The following SLC35F1 variants were observed in gnomAD, a reference collection of about 807,000 sequenced individuals.
SLC35F1 encodes the protein chromosome 6 open reading frame 169.
In SLC35F1, 14 loss-of-function variants were observed where a neutral mutation model predicts 48.7. That is an observed-to-expected ratio of 0.29 (90% CI 0.19 to 0.45). The LOEUF is 0.45. SLC35F1 is among the 20% of genes least tolerant of loss of function. The probability of loss-of-function intolerance (pLI) is 1.00; values close to 1 mark genes in which losing one functional copy is unlikely to be tolerated. For missense variants in SLC35F1, 404 were observed against 500.0 expected (o/e 0.81, Z 1.83); for synonymous variants, 190 against 202.2 (o/e 0.94, Z 0.51).
chr6:118,119,978 C>G (rs931358387), intron 1 of SLC35F1, among the ~76,000 whole-genome samples: 1 of 152,144 alleles, frequency 6.6e-6, no homozygotes, highest in African/African-American at 2.4e-5. Flanking sequence ...CCCTTAGACT[C>G]AGGCTGGGTC....
intron 1 of SLC35F1, among the ~76,000 whole-genome samples, chr6:117,912,004 T>C (rs1775770055): frequency 6.6e-6 from 1 of 152,240 alleles, no homozygotes; most frequent in African/African-American, 2.4e-5. Flanking sequence ...TGCATATGTG[T>C]GCTTTTATCT....
At chr6:118,288,989 A>G (rs773387906) in intron 7 of SLC35F1, among the ~76,000 whole-genome samples, 1 of 152,214 alleles carries the variant, frequency 6.6e-6, no homozygotes, top group Non-Finnish European at 1.5e-5. Flanking sequence ...GCTGCCCTTT[A>G]TAACCACACC....
intron 7 of SLC35F1, among the ~76,000 whole-genome samples, chr6:118,300,993 T>C (rs1033681947): frequency 6.6e-6 from 1 of 152,146 alleles, no homozygotes; most frequent in African/African-American, 2.4e-5. Context: ...CTGTGGAGGT[T>C]TCCGTAGTTA....
At chr6:118,050,003 G>A (rs1772362930) in intron 1 of SLC35F1, among the ~76,000 whole-genome samples, 1 of 152,050 alleles carries the variant, frequency 6.6e-6, no homozygotes, top group Admixed American at 6.5e-5. Context: ...AAGAAAATGT[G>A]GCACATATAC....
intron 2 of SLC35F1, among the ~76,000 whole-genome samples, chr6:118,216,493 G>T (rs936818651): frequency 2.7e-5 from 4 of 149,352 alleles, no homozygotes; most frequent in Non-Finnish European, 4.5e-5. Flanking sequence ...GAAAAGAAAA[G>T]AAAGACCAAT....
intron 1 of SLC35F1, among the ~76,000 whole-genome samples, chr6:118,092,599 A>G (rs1773091248): frequency 6.6e-6 from 1 of 152,112 alleles, no homozygotes; most frequent in Non-Finnish European, 1.5e-5. Flanking sequence ...AGCTGCAGAC[A>G]CTCAATGCCA....
chr6:118,167,090 G>A (rs1774329047), intron 2 of SLC35F1, among the ~76,000 whole-genome samples: 3 of 151,920 alleles, frequency 2.0e-5, no homozygotes, highest in Non-Finnish European at 2.9e-5. Context: ...CCTTCGGGGG[G>A]CTTTCTTCGT....
chr6:118,054,882 T>C (rs1772441745), intron 1 of SLC35F1, among the ~76,000 whole-genome samples: 1 of 152,182 alleles, frequency 6.6e-6, no homozygotes, highest in African/African-American at 2.4e-5. Flanking sequence ...GTTCAAGCGA[T>C]TCTCCTGCCT....
At chr6:117,986,954 A>C (rs1188424576) in intron 1 of SLC35F1, among the ~76,000 whole-genome samples, 1 of 152,124 alleles carries the variant, frequency 6.6e-6, no homozygotes, top group Non-Finnish European at 1.5e-5. Flanking sequence ...TGACTTACAT[A>C]ATTAGGTAGG....
At chr6:117,991,207 G>A (rs1017388225) in intron 1 of SLC35F1, among the ~76,000 whole-genome samples, 2 of 151,994 alleles carry the variant, frequency 1.3e-5, no homozygotes, top group Non-Finnish European at 2.9e-5. Context: ...CATAGTAAAT[G>A]TAAAGAAGTA....
chr6:118,139,926 A>C (rs1773858335), intron 1 of SLC35F1, among the ~76,000 whole-genome samples: 1 of 152,150 alleles, frequency 6.6e-6, no homozygotes, highest in African/African-American at 2.4e-5. Context: ...ATACTTTAGC[A>C]CAAAAAATTT....
Position 118,129,413 on chromosome 6 carries a change from T to G in SLC35F1, c.174-25032T>G, listed in dbSNP as rs144578680. On this transcript the variant is annotated intron_variant, in intron 1 of 7. Transcript: ENST00000360388. ...AGATAAGTAAAAAATGAGGAGGAAG[T>G]TGCAGTGTCAAGGGCTTGTAAGCCA... Among the ~76,000 whole-genome samples the G allele has an allele frequency of 4.5e-4, 69 of 152,026 alleles. 1 individual carries two copies. Among genetic ancestry groups the G allele is most frequent in the African/African-American group, 1.6e-3 (66 of 41,492 alleles).
chr6:117,916,970 A>C lies in SLC35F1; in HGVS notation c.173+9071A>C, dbSNP rs565206713. Among the ~76,000 whole-genome samples, 37 of 152,364 alleles carry C rather than the reference A, an allele frequency of 2.4e-4. No homozygotes were observed. In the South Asian group the frequency reaches 5.2e-3, roughly 21 times the overall value. ...AGACCTCCACTCTCATGGAGACTAC[A>C]TTCTACAAGAAAGGCAGGCAATAAA... On this transcript the variant is annotated intron_variant, in intron 1 of 7. Transcript: ENST00000360388.
intron 1 of SLC35F1, among the ~76,000 whole-genome samples, chr6:118,146,020 G>T (rs943672915): frequency 8.5e-5 from 13 of 152,154 alleles, no homozygotes; most frequent in Admixed American, 1.3e-4. Context: ...ACATGCTGAA[G>T]ATTTGAGGAA....
At chr6:118,224,025 C>G (rs1775184462) in intron 2 of SLC35F1, among the ~76,000 whole-genome samples, 1 of 152,092 alleles carries the variant, frequency 6.6e-6, no homozygotes, top group African/African-American at 2.4e-5. Flanking sequence ...CAGGAAACTT[C>G]CAAAAGGCAA....
intron 1 of SLC35F1, among the ~76,000 whole-genome samples, chr6:118,102,719 C>G (rs2114367464): frequency 6.6e-6 from 1 of 152,344 alleles, no homozygotes; most frequent in South Asian, 2.1e-4. Flanking sequence ...CCTCTCCTCC[C>G]TGAGTTCTCC....
At position 118,239,141 on chromosome 6, in the gene SLC35F1, A is replaced by G. The variant is rs550471081; in HGVS notation, c.477+3505A>G. On this transcript the variant is annotated intron_variant, in intron 3 of 7. Transcript: ENST00000360388. Reference sequence around the variant, plus strand: ...TCTTTTACCTGAGAAGGATGTTTGCATATTCCCATCTACTCCACCAAACTG... The same window carrying G: ...TCTTTTACCTGAGAAGGATGTTTGCGTATTCCCATCTACTCCACCAAACTG... Among the ~76,000 whole-genome samples the G allele has an allele frequency of 5.0e-4, 76 of 151,186 alleles. 1 individual carries two copies. Among genetic ancestry groups the G allele is most frequent in the African/African-American group, 1.8e-3 (72 of 41,094 alleles).
intron 2 of SLC35F1, among the ~76,000 whole-genome samples, chr6:118,224,386 G>T (rs1028030496): frequency 5.9e-5 from 9 of 152,128 alleles, no homozygotes; most frequent in African/African-American, 1.9e-4. Flanking sequence ...CTAGTTGGCT[G>T]TTTTTTTACT....
intron 2 of SLC35F1, among the ~76,000 whole-genome samples, chr6:118,183,115 C>T (rs1190931035): frequency 6.6e-6 from 1 of 152,180 alleles, no homozygotes; most frequent in East Asian, 1.9e-4. Flanking sequence ...TGCAATCCAT[C>T]ATGGTAACTC....
Sources: gnomAD v4.1 joint callset for allele counts (sites outside exome capture counted in the v4.1 genomes callset) on GRCh38, gnomAD v4.1.1 for gene constraint, MANE v1.5 for transcripts, NCBI Gene and HGNC (gene_info 2026-07-23, HGNC 2026-07-21) for gene names.